Variants in AOPEP observed in about 807,000 individuals in gnomAD.
The protein encoded by AOPEP is aminopeptidase O (putative), also known as aminopeptidase O.
Under a neutral mutation model 98.1 loss-of-function variants are expected in AOPEP, and 77 were observed. That is an observed-to-expected ratio of 0.78 (90% CI 0.65 to 0.95). AOPEP has a LOEUF of 0.95. Among genes scored for constraint, AOPEP ranks in the 40% least tolerant of loss-of-function variants. AOPEP has a pLI of 0.00. For synonymous variants in AOPEP, 346 were observed against 365.3 expected (o/e 0.95, Z 0.60); for missense variants, 1,024 against 1,024.7 (o/e 1.00, Z 0.01).
the AOPEP span, among the ~76,000 whole-genome samples, chr9:95,097,997 G>A: frequency 6.6e-6 from 1 of 152,166 alleles, no homozygotes; most frequent in East Asian, 1.9e-4. Context: ...GGCTGGGGGA[G>A]GTGGTCCTGG....
At chr9:95,010,510 T>C (rs2062418629) in intron 13 of AOPEP, among the ~76,000 whole-genome samples, 1 of 152,230 alleles carries the variant, frequency 6.6e-6, no homozygotes, top group African/African-American at 2.4e-5. Context: ...CAGCCACTCT[T>C]ATGCCACTGA....
At position 94,760,295 on chromosome 9, in the gene AOPEP, C is replaced by T; in HGVS notation, c.512C>T (p.Thr171Ile). ...GCTGTGCCAGGTCTGGAAAAATTTACAAGGTCTCCTGAGCTCACGGTTGTT... is the reference window on the plus strand; with the variant it reads ...GCTGTGCCAGGTCTGGAAAAATTTATAAGGTCTCCTGAGCTCACGGTTGTT... The part of the protein sequence containing the change: ...VAAVPGLEKF[T>I]RSPELTVVSE... Residue 171 changes from threonine (T) to isoleucine (I), a missense_variant, in exon 2 of 17, where the codon ACA becomes ATA. Physicochemically the swap from Thr to Ile is moderately conservative, Grantham distance 89 (BLOSUM62 -1). Transcript: ENST00000375315. The T allele has an allele frequency of 3.1e-6, 5 of 1,614,158 alleles. No individual in the cohort carries two copies. Among genetic ancestry groups the T allele is most frequent in the South Asian group, 1.1e-5 (1 of 91,080 alleles).
chr9:95,092,340 C>T, the AOPEP span, among the ~76,000 whole-genome samples: 1 of 152,152 alleles, frequency 6.6e-6, no homozygotes, highest in Non-Finnish European at 1.5e-5. Flanking sequence ...CATCTGGCTG[C>T]TCTGCCACCC....
At chr9:94,919,330 C>G (rs1170767365) in intron 5 of AOPEP, among the ~76,000 whole-genome samples, 1 of 152,194 alleles carries the variant, frequency 6.6e-6, no homozygotes, top group Non-Finnish European at 1.5e-5. Flanking sequence ...CCCCAGAAGA[C>G]TATCCCCTCA....
chr9:95,093,803 G>A, the AOPEP span, among the ~76,000 whole-genome samples: 1 of 152,176 alleles, frequency 6.6e-6, no homozygotes, highest in Non-Finnish European at 1.5e-5. Flanking sequence ...TGGACGCGCT[G>A]TAACTCGAGA....
intron 2 of AOPEP, among the ~76,000 whole-genome samples, chr9:94,767,247 C>A (rs573891693): frequency 4.1e-4 from 62 of 152,238 alleles, no homozygotes; most frequent in African/African-American, 1.4e-3. Context: ...AGTGAAAATG[C>A]TTGGAAGGGT....
intron 9 of AOPEP, among the ~76,000 whole-genome samples, chr9:94,966,065 A>G (rs371013077): frequency 0.039 from 4,801 of 124,236 alleles, 203 homozygotes; most frequent in African/African-American, 0.13. Flanking sequence ...GGGAGGCTTC[A>G]GTCTGCAGTT....
At chr9:94,745,347 C>T (rs1441523475) in intron 1 of AOPEP, among the ~76,000 whole-genome samples, 1 of 151,490 alleles carries the variant, frequency 6.6e-6, no homozygotes, top group Non-Finnish European at 1.5e-5. Context: ...GTGATCTCGG[C>T]TCACTGCAAG....
chr9:94,779,216 CCTGA>C (rs1842784713), intron 3 of AOPEP, among the ~76,000 whole-genome samples: 1 of 152,096 alleles, frequency 6.6e-6, no homozygotes, highest in African/African-American at 2.4e-5. Flanking sequence ...TGTTTGGTTC[CCTGA>C]CTTGCTGAAT....
At chr9:94,790,218 G>A (rs1414777173) in intron 3 of AOPEP, among the ~76,000 whole-genome samples, 1 of 151,140 alleles carries the variant, frequency 6.6e-6, no homozygotes, top group Non-Finnish European at 1.5e-5. Flanking sequence ...CCAGGCTGGA[G>A]TGCAATTGTG....
chr9:95,000,131 A>C (rs1439129228), intron 11 of AOPEP, among the ~76,000 whole-genome samples: 1 of 152,336 alleles, frequency 6.6e-6, no homozygotes, highest in East Asian at 1.9e-4. Context: ...CCTAAAAAAA[A>C]ACAATGACAA....
At chr9:94,944,229 C>T (rs1345160808) in intron 7 of AOPEP, among the ~76,000 whole-genome samples, 4 of 152,082 alleles carry the variant, frequency 2.6e-5, no homozygotes, top group South Asian at 2.1e-4. Flanking sequence ...GACCATATAA[C>T]CCTGCAATTC....
intron 5 of AOPEP, among the ~76,000 whole-genome samples, chr9:94,827,685 C>T (rs1854949872): frequency 6.6e-6 from 1 of 151,992 alleles, no homozygotes. Context: ...GGTCTTTGTC[C>T]AAATAGGACA....
At chr9:95,112,659 A>T in the AOPEP span, among the ~76,000 whole-genome samples, 1 of 152,198 alleles carries the variant, frequency 6.6e-6, no homozygotes, top group Non-Finnish European at 1.5e-5. Flanking sequence ...AGACAGATGC[A>T]CAGAGCAGTG....
Position 95,082,691 on chromosome 9 carries a change from G to A in AOPEP, c.2436G>A (p.Gln812=), listed in dbSNP as rs987006268. Residue 812 remains glutamine (Q), a synonymous_variant, in exon 16 of 17, where the codon CAG becomes CAA. Coordinates refer to ENST00000375315, the MANE Select transcript of AOPEP (RefSeq NM_001193329.3). ...AGCAGATGGATAGGTCCTCAGCCCA[G>A]GTGGTGGCCGAAATGTTATTTTAAC... The part of the protein sequence containing the change: ...TKEQMDRSSA[Q]VVAEMLF 1.9e-6 allele frequency: 3 copies of A among 1,614,086 alleles called. No homozygotes were observed. Among genetic ancestry groups the A allele is most frequent in the Non-Finnish European group, 2.5e-6 (3 of 1,180,042 alleles).
chr9:94,966,342 A>G (rs1488240230), intron 9 of AOPEP, among the ~76,000 whole-genome samples: 1 of 151,876 alleles, frequency 6.6e-6, no homozygotes, highest in Non-Finnish European at 1.5e-5. Context: ...TAGAGTCTGT[A>G]TTTGCAGACT....
At chr9:94,823,815 T>C (rs904313100) in intron 5 of AOPEP, among the ~76,000 whole-genome samples, 1 of 152,242 alleles carries the variant, frequency 6.6e-6, no homozygotes, top group Non-Finnish European at 1.5e-5. Context: ...TATCGGGTGC[T>C]CATTGCTATC....
intron 11 of AOPEP, 84 bp downstream of exon 11, chr9:94,979,511 T>C (rs1215543819): frequency 1.2e-6 from 1 of 824,444 alleles, no homozygotes; most frequent in East Asian, 2.6e-5. Flanking sequence ...CAGTGATTTC[T>C]TAATATATGT....
intron 7 of AOPEP, among the ~76,000 whole-genome samples, chr9:94,954,569 G>C (rs1158567173): frequency 6.6e-6 from 1 of 152,198 alleles, no homozygotes; most frequent in Non-Finnish European, 1.5e-5. Flanking sequence ...ATGGGCTGTG[G>C]GTTGGACAAA....
Sources: gnomAD v4.1 joint callset for allele counts (sites outside exome capture counted in the v4.1 genomes callset) on GRCh38, gnomAD v4.1.1 for gene constraint, MANE v1.5 for transcripts, NCBI Gene and HGNC (gene_info 2026-07-23, HGNC 2026-07-21) for gene names.